The following ADAMTS3 variants were observed in gnomAD, a reference collection of about 807,000 sequenced individuals.
The protein encoded by ADAMTS3 is ADAM metallopeptidase with thrombospondin type 1 motif 3.
In ADAMTS3, 73 loss-of-function variants were observed where a neutral mutation model predicts 129.0. The ratio of observed to expected loss-of-function variants is 0.57; its 90% CI spans 0.47 to 0.69. The LOEUF is 0.69. Ranked by LOEUF, ADAMTS3 falls within the 30% of genes least tolerant of loss-of-function variation. ADAMTS3 has a pLI of 0.00. For synonymous variants in ADAMTS3, 477 were observed against 510.8 expected (o/e 0.93, Z 0.89); for missense variants, 1,457 against 1,514.5 (o/e 0.96, Z 0.63).
intron 3 of ADAMTS3, among the ~76,000 whole-genome samples, chr4:72,422,634 G>A (rs1295412590): frequency 3.3e-5 from 5 of 151,990 alleles, no homozygotes; most frequent in African/African-American, 9.7e-5. Context: ...CTCAAACACT[G>A]CCAAGAGTTC....
intron 2 of ADAMTS3, 27 bp downstream of exon 2, chr4:72,567,345 TAA>T (rs1560570658): frequency 1.2e-6 from 2 of 1,603,124 alleles, no homozygotes; most frequent in Non-Finnish European, 1.7e-6. Context: ...CAACTTAAGA[TAA>T]GAGTGACATC....
At chr4:72,311,326 AAGG>A in intron 13 of ADAMTS3, 145 bp from the exon 14 acceptor site, 1 of 738,204 alleles carries the variant, frequency 1.4e-6, no homozygotes, top group Non-Finnish European at 2.0e-6. Flanking sequence ...AATAAGGAGT[AAGG>A]AGGAAAGTAT....
chr4:72,498,651 TCACACGCACACA>T (rs1172107786), intron 3 of ADAMTS3, among the ~76,000 whole-genome samples: 6 of 151,548 alleles, frequency 4.0e-5, no homozygotes, highest in African/African-American at 9.7e-5. Context: ...TCTCTCTTTC[TCACACGCACACA>T]CACACGCACA....
chr4:72,467,175 C>T (rs1224960726), intron 3 of ADAMTS3, among the ~76,000 whole-genome samples: 1 of 151,940 alleles, frequency 6.6e-6, no homozygotes, highest in Admixed American at 6.6e-5. Context: ...CCTTTGTCTC[C>T]TCTAGCTTTT....
At chr4:72,305,292 G>T (rs1719053122) in intron 16 of ADAMTS3, among the ~76,000 whole-genome samples, 1 of 152,120 alleles carries the variant, frequency 6.6e-6, no homozygotes, top group Non-Finnish European at 1.5e-5. Context: ...GCATGTGCCA[G>T]TCAAAAACCT....
At chr4:72,344,661 C>T (rs985373809) in intron 4 of ADAMTS3, among the ~76,000 whole-genome samples, 1 of 152,086 alleles carries the variant, frequency 6.6e-6, no homozygotes, top group African/African-American at 2.4e-5. Flanking sequence ...CAAAGGAAGA[C>T]AATTCATTCC....
At chr4:72,382,965 C>G (rs1039370045) in intron 4 of ADAMTS3, among the ~76,000 whole-genome samples, 2 of 152,102 alleles carry the variant, frequency 1.3e-5, no homozygotes, top group African/African-American at 2.4e-5. Flanking sequence ...GAAACCCAAA[C>G]CCCAGCATTA....
chr4:72,434,369 G>A (rs1722769200), intron 3 of ADAMTS3, among the ~76,000 whole-genome samples: 1 of 151,576 alleles, frequency 6.6e-6, no homozygotes, highest in African/African-American at 2.4e-5. Flanking sequence ...ATTGTGAGTG[G>A]CACAACTAAG....
intron 5 of ADAMTS3, among the ~76,000 whole-genome samples, chr4:72,331,092 G>A (rs568683589): frequency 1.3e-5 from 2 of 152,306 alleles, no homozygotes; most frequent in East Asian, 1.9e-4. Flanking sequence ...GAAAGGAAGA[G>A]GCAACTGAGA....
In ADAMTS3 at chr4:72,339,393, G is replaced by C. The variant is rs986733594; in HGVS notation, c.861+101C>G. The C allele has an allele frequency of 6.7e-6, 7 of 1,042,826 alleles. No homozygotes were observed. In the African/African-American group the frequency reaches 8.0e-5, roughly 12 times the overall value. 64.6% of individuals were successfully genotyped at this position (1,042,826 alleles called of 1,614,324 possible). On this transcript the variant is annotated intron_variant, in intron 5 of 21. Coordinates refer to ENST00000286657, the MANE Select transcript of ADAMTS3 (RefSeq NM_014243.3). Reference sequence around the variant, plus strand: ...TTAATGCCATCATGCACATATTTTGGCACAGTCATGGAAGTTCTCACACAG... The same window carrying C: ...TTAATGCCATCATGCACATATTTTGCCACAGTCATGGAAGTTCTCACACAG...
intron 14 of ADAMTS3, 119 bp from the exon 15 acceptor site, chr4:72,309,639 C>T (rs1719178921): frequency 9.2e-7 from 1 of 1,092,248 alleles, no homozygotes; most frequent in African/African-American, 1.6e-5. Flanking sequence ...TTATAGCAAA[C>T]TGCCACTGTA....
intron 4 of ADAMTS3, among the ~76,000 whole-genome samples, chr4:72,359,973 G>A (rs1302633542): frequency 6.6e-6 from 1 of 152,012 alleles, no homozygotes; most frequent in African/African-American, 2.4e-5. Context: ...CAAATAAGAG[G>A]AAGGCAGAAG....
intron 3 of ADAMTS3, among the ~76,000 whole-genome samples, chr4:72,438,225 A>G (rs1056207755): frequency 6.6e-6 from 1 of 151,680 alleles, no homozygotes; most frequent in Non-Finnish European, 1.5e-5. Flanking sequence ...TATATTGTTT[A>G]TAAATGTCTT....
chr4:72,412,737 G>A, intron 4 of ADAMTS3, among the ~76,000 whole-genome samples: 1 of 152,006 alleles, frequency 6.6e-6, no homozygotes, highest in East Asian at 1.9e-4. Flanking sequence ...AGGTAATTGA[G>A]AGGTGACAAA....
intron 5 of ADAMTS3, among the ~76,000 whole-genome samples, chr4:72,335,644 A>C (rs932392433): frequency 1.4e-4 from 22 of 152,068 alleles, no homozygotes; most frequent in African/African-American, 5.3e-4. Flanking sequence ...ACTGTAAATA[A>C]TTTTTTAAAA....
rs892025057 is a variant in ADAMTS3, at chr4:72,560,855, A to T, written c.97+6519T>A. On this transcript the variant is annotated intron_variant, in intron 2 of 21. Coordinates refer to ENST00000286657, the MANE Select transcript of ADAMTS3 (RefSeq NM_014243.3). ...CCCTGGAACTTAAAATTAAAATTAA[A>T]TTTTTTTCTAAAATGTAGTATTATG... 4.6e-5 allele frequency among the ~76,000 whole-genome samples: 7 copies of T among 152,244 alleles called. No homozygotes were observed. The East Asian group carries it at 7.7e-4, about 17-fold the overall frequency.
intron 4 of ADAMTS3, among the ~76,000 whole-genome samples, chr4:72,368,389 A>G (rs1384592057): frequency 6.6e-6 from 1 of 152,194 alleles, no homozygotes; most frequent in Non-Finnish European, 1.5e-5. Context: ...AAAACAATGA[A>G]GACTTGAGGA....
chr4:72,333,681 T>A (rs933176387), intron 5 of ADAMTS3, among the ~76,000 whole-genome samples: 6 of 152,136 alleles, frequency 3.9e-5, no homozygotes, highest in Non-Finnish European at 7.4e-5. Flanking sequence ...TAGCTCTGCC[T>A]GACTCCTTAC....
At chr4:72,500,536 G>T (rs1399789645) in intron 3 of ADAMTS3, among the ~76,000 whole-genome samples, 1 of 152,054 alleles carries the variant, frequency 6.6e-6, no homozygotes, top group Non-Finnish European at 1.5e-5. Flanking sequence ...TGCATAGTTT[G>T]CAAATACTTT....
Sources: allele counts gnomAD v4.1 joint callset (sites outside exome capture counted in the v4.1 genomes callset), GRCh38; gene constraint gnomAD v4.1.1; transcripts MANE v1.5; gene names NCBI Gene and HGNC (gene_info 2026-07-23, HGNC 2026-07-21).